Variants in CHODL observed in about 807,000 individuals in gnomAD.
The protein encoded by CHODL is chondrolectin.
In CHODL, 29 loss-of-function variants were observed where a neutral mutation model predicts 34.5. The observed-to-expected ratio is 0.84, with a 90% CI of 0.63 to 1.15. The LOEUF (loss-of-function observed/expected upper bound fraction) is 1.15, where lower values mean the gene tolerates loss of function less well. Ranked by LOEUF, CHODL falls within the 50% of genes most tolerant of loss-of-function variation. CHODL has a pLI of 0.00. For synonymous variants in CHODL, 125 were observed against 116.1 expected, an observed-to-expected ratio of 1.08 and a Z score of -0.49; for missense variants, 332 against 332.5, an observed-to-expected ratio of 1.00 and a Z score of 0.01.
At chr21:17,946,997 G>GT (rs2063414985) in intron 1 of CHODL, among the ~76,000 whole-genome samples, 1 of 151,740 alleles carries the variant, frequency 6.6e-6, no homozygotes, top group African/African-American at 2.4e-5. Flanking sequence ...TTGATTTCTT[G>GT]CTTTTTATTT....
Position 18,245,256 on chromosome 21 carries a change from C to G in CHODL, c.33C>G (p.Ala11=). The G allele has an allele frequency of 6.6e-7, 1 of 1,524,378 alleles. No individual in the cohort carries two copies. The highest frequency in any genetic ancestry group is 8.8e-7 in the Non-Finnish European group (1 of 1,142,682). 94.4% of individuals were successfully genotyped at this position (1,524,378 alleles called of 1,614,324 possible). MSRVVSLLLG[A]ALLCGHGAFC... ...GCGTGGTCTCGCTGCTGCTGGGCGCCGCGCTGCTCTGCGGCCACGGAGCCT... is the reference window on the plus strand; with the variant it reads ...GCGTGGTCTCGCTGCTGCTGGGCGCGGCGCTGCTCTGCGGCCACGGAGCCT... Residue 11 remains alanine, a synonymous_variant, in exon 1 of 6, where the codon GCC becomes GCG. Transcript: ENST00000299295.
At chr21:18,171,162 CTT>C (rs35213552) in intron 2 of CHODL, among the ~76,000 whole-genome samples, 16 of 71,080 alleles carry the variant, frequency 2.3e-4, no homozygotes, top group Admixed American at 3.8e-4. Flanking sequence ...TGTTCTCATA[CTT>C]TTTTTTTTTG....
At chr21:18,243,705 T>C (rs2074103659), upstream of CHODL, among the ~76,000 whole-genome samples, 1 of 152,140 alleles carries the variant, frequency 6.6e-6, no homozygotes, top group African/African-American at 2.4e-5. Context: ...AGGGTGCATT[T>C]AATAATCTTT....
At chr21:18,196,987 C>A (rs553716402) in intron 2 of CHODL, among the ~76,000 whole-genome samples, 6 of 151,994 alleles carry the variant, frequency 3.9e-5, no homozygotes, top group Admixed American at 3.3e-4. Flanking sequence ...CACACCCGTG[C>A]GTACACACAA....
chr21:18,218,661 G>A (rs574033692), intron 2 of CHODL, among the ~76,000 whole-genome samples: 13 of 152,152 alleles, frequency 8.5e-5, no homozygotes, highest in African/African-American at 2.2e-4. Context: ...TTCCTATTTC[G>A]TTGCCAGGCT....
chr21:18,248,479 A>G (rs1001249514), intron 1 of CHODL, among the ~76,000 whole-genome samples: 1 of 150,110 alleles, frequency 6.7e-6, no homozygotes, highest in Admixed American at 6.7e-5. Context: ...TATCATAGCC[A>G]TTATTCTTCA....
At chr21:17,995,820 A>T (rs563425905) in intron 1 of CHODL, among the ~76,000 whole-genome samples, 36 of 152,202 alleles carry the variant, frequency 2.4e-4, no homozygotes, top group Non-Finnish European at 4.0e-4. Context: ...GTATTGAGAG[A>T]AGGAATCAGT....
At chr21:18,006,156 G>T (rs1366650353) in intron 1 of CHODL, among the ~76,000 whole-genome samples, 1 of 152,100 alleles carries the variant, frequency 6.6e-6, no homozygotes, top group Non-Finnish European at 1.5e-5. Context: ...GGCTTCCCCA[G>T]CCACGTTGAA....
At chr21:18,069,535 G>A (rs1027321872) in intron 2 of CHODL, among the ~76,000 whole-genome samples, 19 of 129,000 alleles carry the variant, frequency 1.5e-4, no homozygotes, top group Non-Finnish European at 3.5e-4. Context: ...ATATATATAT[G>A]TGGAATATAT....
intron 2 of CHODL, among the ~76,000 whole-genome samples, chr21:18,085,542 G>A (rs1056851579): frequency 1.3e-5 from 2 of 151,966 alleles, no homozygotes; most frequent in African/African-American, 4.8e-5. Flanking sequence ...ATTTCTTCTA[G>A]GTCTGGTCTA....
intron 2 of CHODL, among the ~76,000 whole-genome samples, chr21:18,052,482 C>T (rs888097984): frequency 2.0e-5 from 3 of 151,868 alleles, no homozygotes; most frequent in African/African-American, 7.2e-5. Flanking sequence ...AATAACAAAA[C>T]ATTTTGATAG....
chr21:18,155,956 C>G (rs1327960101), intron 2 of CHODL, among the ~76,000 whole-genome samples: 1 of 152,150 alleles, frequency 6.6e-6, no homozygotes, highest in African/African-American at 2.4e-5. Context: ...AATTTAAAGG[C>G]CCTGTGGACA....
At chr21:17,943,228 T>C (rs183658866) in intron 1 of CHODL, among the ~76,000 whole-genome samples, 15 of 152,326 alleles carry the variant, frequency 9.8e-5, no homozygotes, top group Admixed American at 5.9e-4. Context: ...GGGCCTGATT[T>C]AATCTGTTGA....
chr21:18,227,370 A>G (rs1265125232), intron 2 of CHODL, among the ~76,000 whole-genome samples: 3 of 152,176 alleles, frequency 2.0e-5, no homozygotes, highest in Non-Finnish European at 4.4e-5. Context: ...GATTCTAAAC[A>G]TAAAAACTGT....
intron 2 of CHODL, among the ~76,000 whole-genome samples, chr21:18,216,512 A>G (rs1292480926): frequency 6.6e-6 from 1 of 152,142 alleles, no homozygotes; most frequent in Non-Finnish European, 1.5e-5. Context: ...TAGCTTCCAA[A>G]TGTGAGTGAG....
intron 2 of CHODL, among the ~76,000 whole-genome samples, chr21:18,215,413 A>G (rs2073816175): frequency 6.6e-6 from 1 of 152,124 alleles, no homozygotes; most frequent in African/African-American, 2.4e-5. Context: ...TAATAATAAG[A>G]TCAAACATAG....
At chr21:18,210,658 T>C (rs2073763046) in intron 2 of CHODL, among the ~76,000 whole-genome samples, 1 of 152,186 alleles carries the variant, frequency 6.6e-6, no homozygotes, top group Non-Finnish European at 1.5e-5. Flanking sequence ...TAAAAACATC[T>C]AGAAATTTAT....
chr21:18,041,998 G>GA (rs1344217486), intron 2 of CHODL, among the ~76,000 whole-genome samples: 5 of 151,684 alleles, frequency 3.3e-5, no homozygotes, highest in Non-Finnish European at 7.4e-5. Flanking sequence ...TTGGAGAGGT[G>GA]AAAAAATCTT....
chr21:18,169,476 G>A (rs1050280740), intron 2 of CHODL, among the ~76,000 whole-genome samples: 8 of 151,278 alleles, frequency 5.3e-5, no homozygotes, highest in Non-Finnish European at 1.0e-4. Flanking sequence ...TTTATGCCAA[G>A]ACCACAGTAT....
Sources: allele counts gnomAD v4.1 joint callset (sites outside exome capture counted in the v4.1 genomes callset), GRCh38; gene constraint gnomAD v4.1.1; transcripts MANE v1.5; gene names NCBI Gene and HGNC (gene_info 2026-07-23, HGNC 2026-07-21).